ATXN10: variants seen among roughly 807,000 people sequenced by gnomAD.
ATXN10 encodes ataxin 10, also known as ataxin-10.
Under a neutral mutation model 52.9 loss-of-function variants are expected in ATXN10, and 28 were observed. That is an observed-to-expected ratio of 0.53 (90% CI 0.39 to 0.73). The LOEUF is 0.73. Among genes scored for constraint, ATXN10 ranks in the 30% least tolerant of loss-of-function variants. The pLI, the probability that ATXN10 is intolerant of heterozygous loss-of-function variation, is 0.00. For missense variants in ATXN10, 565 were observed against 577.0 expected, an observed-to-expected ratio of 0.98 and a Z score of 0.21; for synonymous variants, 226 against 221.5, an observed-to-expected ratio of 1.02 and a Z score of -0.18.
rs1555896219 is a variant in ATXN10 at position 45,795,424 on chromosome 22, T to TATTCTATTCTATTCTATTGTTTTCTA, written c.1174-11535_1174-11534insATTCTATTCTATTCTATTGTTTTCTA. Among the ~76,000 whole-genome samples the TATTCTATTCTATTCTATTGTTTTCTA allele has an allele frequency of 1.4e-5, 2 of 147,462 alleles. No individual in the cohort carries two copies. Among genetic ancestry groups the TATTCTATTCTATTCTATTGTTTTCTA allele is most frequent in the Non-Finnish European group, 1.5e-5 (1 of 67,196 alleles). ...TATTCTATTCTATTCTATTCTATTC[T>TATTCTATTCTATTCTATTGTTTTCTA]TTTTGAGATGAAGTCTCTCTATGTT... is the stretch of plus-strand genomic sequence containing the variant. On this transcript the variant is annotated intron_variant, in intron 9 of 11. Transcript: ENST00000252934. This position sits in a 1 kb window ranked among gnomAD's most constrained non-coding sequence, Gnocchi z 4.6.
intron 1 of ATXN10, among the ~76,000 whole-genome samples, chr22:45,680,529 T>G (rs1459430274): frequency 6.6e-6 from 1 of 152,176 alleles, no homozygotes. Flanking sequence ...CTGTCATCCC[T>G]TTAAGGCTTT....
intron 3 of ATXN10, 114 bp from the exon 4 acceptor site, chr22:45,700,168 A>G: frequency 3.7e-6 from 3 of 816,880 alleles, no homozygotes; most frequent in Non-Finnish European, 5.7e-6. Context: ...TTAATTTTTA[A>G]AAGAAGCAAG....
At chr22:45,746,636 C>G (rs986815612) in intron 9 of ATXN10, among the ~76,000 whole-genome samples, 3 of 151,986 alleles carry the variant, frequency 2.0e-5, no homozygotes, top group Non-Finnish European at 2.9e-5. Context: ...TATTCTCAGC[C>G]TATACTAGCA....
intron 10 of ATXN10, among the ~76,000 whole-genome samples, chr22:45,817,115 A>G (rs1482702028): frequency 1.3e-5 from 2 of 152,126 alleles, no homozygotes; most frequent in Non-Finnish European, 2.9e-5. Context: ...CGTTTGTTTG[A>G]TGCAGTGAAT....
In ATXN10 at chr22:45,795,803, T is replaced by C. The variant is rs957902713; in HGVS notation, c.1174-11156T>C. ...ATCACTTCCCTAATCAACACTCTTA[T>C]AATTTCCTATGCCTGTCTTGTCTTT... is the stretch of plus-strand genomic sequence containing the variant. On this transcript the variant is annotated intron_variant, in intron 9 of 11. Coordinates refer to ENST00000252934, the MANE Select transcript of ATXN10 (RefSeq NM_013236.4). The surrounding 1 kb of genome is among the most constrained non-coding windows in gnomAD (Gnocchi z 4.6). Among the ~76,000 whole-genome samples, 2 of 152,268 alleles carry C rather than the reference T, an allele frequency of 1.3e-5. No homozygotes were observed. The highest frequency in any genetic ancestry group is 2.1e-4 in the South Asian group (1 of 4,834).
chr22:45,788,763 A>G (rs1927405761), intron 9 of ATXN10, among the ~76,000 whole-genome samples: 1 of 151,768 alleles, frequency 6.6e-6, no homozygotes, highest in Admixed American at 6.6e-5. Flanking sequence ...CGATCCTCCC[A>G]CCTCAGCCTC....
At chr22:45,707,389 C>G (rs1026562392) in intron 5 of ATXN10, among the ~76,000 whole-genome samples, 3 of 151,972 alleles carry the variant, frequency 2.0e-5, no homozygotes, top group South Asian at 2.1e-4. Context: ...TTAAGATTTA[C>G]AAACAAACAG....
chr22:45,769,172 GT>G lies in ATXN10; in HGVS notation c.1173+28636del, dbSNP rs778830382. On this transcript the variant is annotated intron_variant, in intron 9 of 11. Transcript: ENST00000252934. This position sits in a 1 kb window ranked among gnomAD's most constrained non-coding sequence, Gnocchi z 4.2. ...AAAAATGGTTAAAAATTTTTAAAGA[GT>G]TGTTATTGTTGTTGACCCGAGGTTG... Among the ~76,000 whole-genome samples the G allele has an allele frequency of 6.6e-6, 1 of 152,048 alleles. No homozygotes were observed. The highest frequency in any genetic ancestry group is 1.5e-5 in the Non-Finnish European group (1 of 68,030).
At chr22:45,755,785 G>T (rs951042691) in intron 9 of ATXN10, among the ~76,000 whole-genome samples, 4 of 152,118 alleles carry the variant, frequency 2.6e-5, no homozygotes, top group African/African-American at 9.7e-5. Flanking sequence ...TGTGTGTCAG[G>T]TACTCTTCTG....
In ATXN10 at chr22:45,750,854, T is replaced by C. The variant is rs1472975157; in HGVS notation, c.1173+10316T>C. Among the ~76,000 whole-genome samples, 1 of 152,214 alleles carries C rather than the reference T, an allele frequency of 6.6e-6. No homozygotes were observed. Among genetic ancestry groups the C allele is most frequent in the African/African-American group, 2.4e-5 (1 of 41,474 alleles). On this transcript the variant is annotated intron_variant, in intron 9 of 11. Transcript: ENST00000252934. This position sits in a 1 kb window ranked among gnomAD's most constrained non-coding sequence, Gnocchi z 4.2. ...TTACAAAAGCTTGTAAAAAAGCTTATGTAAAGAGTTTTTCTCCATGATAAG... is the reference window on the plus strand; with the variant it reads ...TTACAAAAGCTTGTAAAAAAGCTTACGTAAAGAGTTTTTCTCCATGATAAG...
chr22:45,685,772 C>T (rs1923112092), intron 1 of ATXN10, among the ~76,000 whole-genome samples: 1 of 152,100 alleles, frequency 6.6e-6, no homozygotes, highest in African/African-American at 2.4e-5. Flanking sequence ...AAGTTGTTGA[C>T]ATATTATATT....
At chr22:45,711,496 A>G (rs946703217) in intron 5 of ATXN10, among the ~76,000 whole-genome samples, 25 of 152,132 alleles carry the variant, frequency 1.6e-4, no homozygotes, top group African/African-American at 5.5e-4. Context: ...ACATGCACAC[A>G]GCTACTCCTG....
At chr22:45,680,790 C>T (rs2146726655) in intron 1 of ATXN10, among the ~76,000 whole-genome samples, 1 of 152,112 alleles carries the variant, frequency 6.6e-6, no homozygotes, top group African/African-American at 2.4e-5. Context: ...TACATGAATC[C>T]TCTTCTGACT....
chr22:45,686,680 G>A (rs1490697425), intron 1 of ATXN10, among the ~76,000 whole-genome samples: 4 of 152,056 alleles, frequency 2.6e-5, no homozygotes, highest in African/African-American at 7.2e-5. Flanking sequence ...TTAGCCGGGC[G>A]TGGTGGCATG....
intron 3 of ATXN10, among the ~76,000 whole-genome samples, chr22:45,697,565 T>G (rs548518092): frequency 2.0e-4 from 30 of 152,196 alleles, no homozygotes; most frequent in Non-Finnish European, 3.5e-4. Context: ...TTCATATAAA[T>G]GGAATCATAG....
chr22:45,751,580 C>T (rs1601623660), intron 9 of ATXN10, among the ~76,000 whole-genome samples: 1 of 151,928 alleles, frequency 6.6e-6, no homozygotes, highest in East Asian at 1.9e-4. Context: ...TACATCAGCT[C>T]TTACTGAGTG....
chr22:45,699,078 A>T (rs1477392008), intron 3 of ATXN10, among the ~76,000 whole-genome samples: 1 of 152,180 alleles, frequency 6.6e-6, no homozygotes, highest in Non-Finnish European at 1.5e-5. Flanking sequence ...TATTATGCCC[A>T]TCAAATTTTA....
At chr22:45,706,306 A>G (rs926774275) in intron 5 of ATXN10, among the ~76,000 whole-genome samples, 6 of 152,022 alleles carry the variant, frequency 3.9e-5, no homozygotes, top group Non-Finnish European at 8.8e-5. Context: ...TTTCTTGTTC[A>G]CTATAGCTAA....
At chr22:45,674,558 G>A (rs1922605564) in intron 1 of ATXN10, 1 of 152,268 alleles carries the variant, frequency 6.6e-6, no homozygotes, top group Non-Finnish European at 1.5e-5. Flanking sequence ...CTGATGCTCA[G>A]GGAGCCAGTG....
Sources: allele counts gnomAD v4.1 joint callset (sites outside exome capture counted in the v4.1 genomes callset), GRCh38; gene constraint gnomAD v4.1.1; non-coding constraint Gnocchi (gnomAD v3.1); transcripts MANE v1.5; gene names NCBI Gene and HGNC (gene_info 2026-07-23, HGNC 2026-07-21).